EFCAB6: variants seen among roughly 807,000 people sequenced by gnomAD.
EFCAB6 encodes the protein EF-hand calcium binding domain 6.
In EFCAB6, 156 loss-of-function variants were observed where a neutral mutation model predicts 169.8. The ratio of observed to expected loss-of-function variants is 0.92; its 90% CI spans 0.81 to 1.05. The LOEUF (loss-of-function observed/expected upper bound fraction) is 1.05, where lower values mean the gene tolerates loss of function less well. EFCAB6 is among the 50% of genes least tolerant of loss of function. EFCAB6 has a pLI of 0.00. For synonymous variants in EFCAB6, 698 were observed against 676.4 expected, an observed-to-expected ratio of 1.03 and a Z score of -0.50; for missense variants, 1,800 against 1,829.1, an observed-to-expected ratio of 0.98 and a Z score of 0.29.
At chr22:43,543,554 G>C (rs561343180) in intron 27 of EFCAB6, among the ~76,000 whole-genome samples, 1 of 152,188 alleles carries the variant, frequency 6.6e-6, no homozygotes, top group Non-Finnish European at 1.5e-5. Flanking sequence ...GGCTCTGGGG[G>C]AGGGGAAGGA....
At chr22:43,663,265 C>A (rs1282521305) in intron 17 of EFCAB6, among the ~76,000 whole-genome samples, 1 of 152,180 alleles carries the variant, frequency 6.6e-6, no homozygotes, top group South Asian at 2.1e-4. Flanking sequence ...ATTTCAAAGG[C>A]TTCCACAACA....
chr22:43,579,309 G>A (rs531237471), intron 25 of EFCAB6, among the ~76,000 whole-genome samples: 75 of 149,668 alleles, frequency 5.0e-4, no homozygotes, highest in South Asian at 1.1e-3. Context: ...CCTACAGATA[G>A]GCATCATTCT....
chr22:43,732,524 G>T (rs2059993339), intron 7 of EFCAB6, among the ~76,000 whole-genome samples: 1 of 143,946 alleles, frequency 6.9e-6, no homozygotes, highest in Non-Finnish European at 1.5e-5. Context: ...CTAGAGTGTG[G>T]TGCTGCAATC....
At chr22:43,797,714 T>C (rs904253359) in intron 2 of EFCAB6, among the ~76,000 whole-genome samples, 1 of 151,932 alleles carries the variant, frequency 6.6e-6, no homozygotes, top group African/African-American at 2.4e-5. Flanking sequence ...GTTACTTCCT[T>C]GCTTAGAACA....
chr22:43,811,307 GAGGGGAGCGGAGGGGA>G (rs2063112044), intron 1 of EFCAB6, among the ~76,000 whole-genome samples: 1 of 136,810 alleles, frequency 7.3e-6, no homozygotes, highest in South Asian at 2.7e-4. Context: ...GAGGGAAGGG[GAGGGGAGCGGAGGGGA>G]AGGGGAGGGG....
intron 25 of EFCAB6, among the ~76,000 whole-genome samples, chr22:43,578,112 C>T (rs546159167): frequency 6.6e-5 from 10 of 152,236 alleles, no homozygotes; most frequent in South Asian, 4.2e-4. Flanking sequence ...AGAAGGGCTG[C>T]GACAAGTCCA....
In EFCAB6 at chr22:43,537,112, C is replaced by A; in HGVS notation, c.4048+265G>T. 2.8e-6 allele frequency: 1 copy of A among 351,886 alleles called. No homozygotes were observed. Among genetic ancestry groups the A allele is most frequent in the East Asian group, 4.8e-5 (1 of 20,884 alleles). The allele number at this position is 351,886 out of a possible 1,614,324, so 21.8% of individuals were successfully genotyped here. A position where few individuals can be genotyped will look rare whatever the true frequency, so the allele number is the denominator to read the frequency against. On this transcript the variant is annotated intron_variant, in intron 29 of 31. Transcript: ENST00000262726. This position sits in a 1 kb window ranked among gnomAD's most constrained non-coding sequence, Gnocchi z 4.3. ...TTCACACTCTGCCCAGGGTGGCAAC[C>A]ACTGTGATTTCTAAAGCTCAGAGTT...
chr22:43,636,275 T>A (rs535569009), intron 17 of EFCAB6, among the ~76,000 whole-genome samples: 1 of 152,224 alleles, frequency 6.6e-6, no homozygotes, highest in East Asian at 1.9e-4. Context: ...CAGAGTAAGT[T>A]CCAGGTGGTG....
chr22:43,794,712 T>A (rs1343765686), intron 2 of EFCAB6, among the ~76,000 whole-genome samples: 1 of 152,170 alleles, frequency 6.6e-6, no homozygotes, highest in South Asian at 2.1e-4. Flanking sequence ...TAATCAAATA[T>A]GAGGATTCCA....
intron 23 of EFCAB6, among the ~76,000 whole-genome samples, chr22:43,592,482 A>G (rs1305378937): frequency 6.6e-6 from 1 of 152,234 alleles, no homozygotes; most frequent in South Asian, 2.1e-4. Context: ...ATATTTTTAG[A>G]AAATTGAAGC....
intron 6 of EFCAB6, among the ~76,000 whole-genome samples, chr22:43,741,822 C>T (rs1453030712): frequency 6.6e-6 from 1 of 152,168 alleles, no homozygotes; most frequent in Non-Finnish European, 1.5e-5. Flanking sequence ...ACCCTGACTT[C>T]CACCCTGCCA....
intron 25 of EFCAB6, among the ~76,000 whole-genome samples, chr22:43,576,935 C>G (rs552757159): frequency 6.6e-6 from 1 of 152,196 alleles, no homozygotes; most frequent in African/African-American, 2.4e-5. Context: ...CACCGCATCA[C>G]ATCAGGGCTG....
At chr22:43,774,959 C>T (rs1397272229) in intron 3 of EFCAB6, among the ~76,000 whole-genome samples, 3 of 151,948 alleles carry the variant, frequency 2.0e-5, no homozygotes, top group Non-Finnish European at 4.4e-5. Flanking sequence ...CCTGGTACCA[C>T]GTGGAGGAGG....
chr22:43,557,920 C>A (rs112194126), intron 26 of EFCAB6, among the ~76,000 whole-genome samples: 1 of 152,108 alleles, frequency 6.6e-6, no homozygotes, highest in Non-Finnish European at 1.5e-5. Flanking sequence ...AGGCATTTGA[C>A]AAAATTCAGC....
At chr22:43,668,501 G>A (rs2057356531) in intron 16 of EFCAB6, among the ~76,000 whole-genome samples, 1 of 152,076 alleles carries the variant, frequency 6.6e-6, no homozygotes, top group South Asian at 2.1e-4. Flanking sequence ...TTAAATAGTG[G>A]CAAGGAATCT....
intron 26 of EFCAB6, among the ~76,000 whole-genome samples, chr22:43,565,895 T>C (rs1188601576): frequency 6.6e-6 from 1 of 152,140 alleles, no homozygotes; most frequent in South Asian, 2.1e-4. Flanking sequence ...ATTGAAAAAT[T>C]ACTTCATTTT....
chr22:43,532,204 CCA>C (rs1188016738), intron 30 of EFCAB6: 1 of 152,322 alleles, frequency 6.6e-6, no homozygotes, highest in Non-Finnish European at 1.5e-5. Flanking sequence ...GGGGAGAGTG[CCA>C]CAGTCTCTGT....
chr22:43,625,327 G>T (rs1602697652), intron 20 of EFCAB6, among the ~76,000 whole-genome samples: 1 of 152,138 alleles, frequency 6.6e-6, no homozygotes, highest in East Asian at 1.9e-4. Flanking sequence ...GTGTCACTAT[G>T]ATGCTGTATC....
At chr22:43,685,722 A>T (rs2058169253) in intron 11 of EFCAB6, among the ~76,000 whole-genome samples, 1 of 152,154 alleles carries the variant, frequency 6.6e-6, no homozygotes, top group Admixed American at 6.5e-5. Flanking sequence ...GCAGTTATGA[A>T]ACTGGGTGCA....
Sources: allele counts gnomAD v4.1 joint callset (sites outside exome capture counted in the v4.1 genomes callset), GRCh38; gene constraint gnomAD v4.1.1; non-coding constraint Gnocchi (gnomAD v3.1); transcripts MANE v1.5; gene names NCBI Gene and HGNC (gene_info 2026-07-23, HGNC 2026-07-21).